Variants in CNTNAP2 observed in about 807,000 individuals in gnomAD.
The protein encoded by CNTNAP2 is contactin associated protein 2.
A neutral mutation model predicts 155.2 loss-of-function variants in CNTNAP2; 98 were observed. The observed-to-expected ratio is 0.63, with a 90% confidence interval of 0.54 to 0.75. The LOEUF is 0.75. CNTNAP2 is among the 30% of genes least tolerant of loss of function. CNTNAP2 has a pLI of 0.00. For synonymous variants in CNTNAP2, 651 were observed against 631.2 expected (o/e 1.03, Z -0.47); for missense variants, 1,727 against 1,688.1 (o/e 1.02, Z -0.40).
chr7:147,484,387 A>G (rs73459464), intron 10 of CNTNAP2, among the ~76,000 whole-genome samples: 3,011 of 151,076 alleles, frequency 0.02, 109 homozygotes, highest in African/African-American at 0.069. Flanking sequence ...CAAAATGTAC[A>G]TGATTCCTCA....
At chr7:147,674,567 T>C (rs1458736311) in intron 13 of CNTNAP2, among the ~76,000 whole-genome samples, 1 of 152,194 alleles carries the variant, frequency 6.6e-6, no homozygotes, top group Non-Finnish European at 1.5e-5. Context: ...AGCATTTTGA[T>C]GTGCCTTCCT....
At chr7:147,139,488 C>A (rs111869594) in intron 8 of CNTNAP2, among the ~76,000 whole-genome samples, 1 of 152,066 alleles carries the variant, frequency 6.6e-6, no homozygotes, top group South Asian at 2.1e-4. Context: ...TGGTTTGGAA[C>A]CTTCCCCACA....
At chr7:147,613,715 C>A (rs1219343987) in intron 12 of CNTNAP2, among the ~76,000 whole-genome samples, 1 of 152,022 alleles carries the variant, frequency 6.6e-6, no homozygotes, top group African/African-American at 2.4e-5. Context: ...TGGTGGTGGG[C>A]ACCCATAATC....
At chr7:147,790,943 C>T (rs1797809780) in intron 13 of CNTNAP2, among the ~76,000 whole-genome samples, 1 of 152,214 alleles carries the variant, frequency 6.6e-6, no homozygotes, top group South Asian at 2.1e-4. Context: ...GATAAATTTC[C>T]TGTAATATTC....
At chr7:147,324,504 T>C (rs1795414586) in intron 9 of CNTNAP2, among the ~76,000 whole-genome samples, 1 of 151,920 alleles carries the variant, frequency 6.6e-6, no homozygotes. Flanking sequence ...GCTTAATTTA[T>C]AGAAAGGTGT....
chr7:147,289,586 G>A (rs915138877), intron 8 of CNTNAP2, among the ~76,000 whole-genome samples: 3 of 152,142 alleles, frequency 2.0e-5, no homozygotes, highest in Admixed American at 6.5e-5. Flanking sequence ...AAGTTACCTG[G>A]TCTGTAAGAT....
intron 1 of CNTNAP2, among the ~76,000 whole-genome samples, chr7:146,231,039 TAAA>T (rs1481603485): frequency 7.1e-6 from 1 of 140,124 alleles, no homozygotes; most frequent in African/African-American, 2.6e-5. Flanking sequence ...AATAAATAAA[TAAA>T]AAGTTAATAT....
chr7:147,080,795 C>T (rs1377733247), intron 4 of CNTNAP2: 1 of 151,156 alleles, frequency 6.6e-6, no homozygotes, highest in African/African-American at 2.4e-5. Flanking sequence ...TCAGTCTCCC[C>T]CTTTGATTCC....
chr7:147,621,833 A>G (rs1198356525), intron 12 of CNTNAP2, among the ~76,000 whole-genome samples: 1 of 152,032 alleles, frequency 6.6e-6, no homozygotes, highest in Non-Finnish European at 1.5e-5. Context: ...GAAGACATAC[A>G]GTAGCTGAAT....
intron 10 of CNTNAP2, among the ~76,000 whole-genome samples, chr7:147,472,890 A>G (rs569129688): frequency 3.7e-4 from 57 of 152,284 alleles, no homozygotes; most frequent in African/African-American, 1.2e-3. Flanking sequence ...CCTCTAAGTG[A>G]TTATATCAAG....
rs536933896 is a variant in CNTNAP2, at chr7:148,231,155, A to G, written c.3381+1376A>G. Among the ~76,000 whole-genome samples, 3 of 152,330 alleles carry G rather than the reference A, an allele frequency of 2.0e-5. No homozygotes were observed. The East Asian group carries it at 5.8e-4, about 29-fold the overall frequency. On this transcript the variant is annotated intron_variant, in intron 20 of 23. Coordinates refer to ENST00000361727, the MANE Select transcript of CNTNAP2 (RefSeq NM_014141.6). Reference sequence around the variant, plus strand: ...ATAACAGCAGAGACCCACCACAGCCATAGAATCGTATACAGTTTACCCTCA... The same window carrying G: ...ATAACAGCAGAGACCCACCACAGCCGTAGAATCGTATACAGTTTACCCTCA...
At chr7:147,136,806 A>G (rs996067053) in intron 8 of CNTNAP2, among the ~76,000 whole-genome samples, 2 of 151,990 alleles carry the variant, frequency 1.3e-5, no homozygotes, top group African/African-American at 4.8e-5. Flanking sequence ...CTCATTTGAA[A>G]TACAATTTTT....
At chr7:146,541,267 C>T (rs1190785515) in intron 1 of CNTNAP2, among the ~76,000 whole-genome samples, 1 of 151,978 alleles carries the variant, frequency 6.6e-6, no homozygotes, top group Non-Finnish European at 1.5e-5. Flanking sequence ...ATGCAAGTCT[C>T]ATAAAGGATT....
chr7:147,191,438 G>T (rs774466098), intron 8 of CNTNAP2, among the ~76,000 whole-genome samples: 1 of 152,162 alleles, frequency 6.6e-6, no homozygotes, highest in Non-Finnish European at 1.5e-5. Context: ...GGCTTTACAG[G>T]CTGTGCTCAC....
intron 1 of CNTNAP2, among the ~76,000 whole-genome samples, chr7:146,177,704 A>G (rs994206195): frequency 3.9e-5 from 6 of 152,224 alleles, no homozygotes; most frequent in African/African-American, 1.4e-4. Flanking sequence ...TAATATTTGA[A>G]CTATTCTATC....
chr7:146,301,655 C>A (rs1404718399), intron 1 of CNTNAP2, among the ~76,000 whole-genome samples: 3 of 151,898 alleles, frequency 2.0e-5, no homozygotes, highest in Non-Finnish European at 2.9e-5. Context: ...ACAACAACAA[C>A]AAAAAGATAT....
chr7:147,460,631 G>A (rs1339628729), intron 10 of CNTNAP2, among the ~76,000 whole-genome samples: 1 of 142,268 alleles, frequency 7.0e-6, no homozygotes, highest in Non-Finnish European at 1.5e-5. Context: ...CCACATCAGA[G>A]GAGAGTTTAT....
chr7:148,062,852 C>A (rs944991661), intron 15 of CNTNAP2, among the ~76,000 whole-genome samples: 4 of 152,010 alleles, frequency 2.6e-5, no homozygotes, highest in African/African-American at 9.7e-5. Flanking sequence ...TAGGGAGGAT[C>A]AACATAGTCA....
intron 12 of CNTNAP2, among the ~76,000 whole-genome samples, chr7:147,572,919 T>C (rs1563003372): frequency 6.6e-6 from 1 of 152,188 alleles, no homozygotes; most frequent in Non-Finnish European, 1.5e-5. Flanking sequence ...CTTTTATTTC[T>C]TCTGAGGATG....
Sources: gnomAD v4.1 joint callset for allele counts (sites outside exome capture counted in the v4.1 genomes callset) on GRCh38, gnomAD v4.1.1 for gene constraint, MANE v1.5 for transcripts, NCBI Gene and HGNC (gene_info 2026-07-23, HGNC 2026-07-21) for gene names.